TRUB1: variants seen among roughly 807,000 people sequenced by gnomAD.
TRUB1 encodes pseudouridylate synthase TRUB1.
Under a neutral mutation model 33.9 loss-of-function variants are expected in TRUB1, and 23 were observed. That is an observed-to-expected ratio of 0.68 (90% CI 0.49 to 0.96). TRUB1 has a LOEUF of 0.96. Ranked by LOEUF, TRUB1 falls within the 40% of genes least tolerant of loss-of-function variation. TRUB1 has a pLI of 0.00. For missense variants in TRUB1, 378 were observed against 422.2 expected (o/e 0.90, Z 0.92); for synonymous variants, 163 against 165.4 (o/e 0.99, Z 0.11).
intron 2 of TRUB1, among the ~76,000 whole-genome samples, chr10:114,948,231 T>C (rs555219112): frequency 1.3e-5 from 2 of 152,328 alleles, no homozygotes; most frequent in Non-Finnish European, 2.9e-5. Context: ...TCAAATGTGG[T>C]GCCTTTGCTC....
intron 2 of TRUB1, among the ~76,000 whole-genome samples, chr10:114,947,624 G>T (rs2084216929): frequency 6.6e-6 from 1 of 152,246 alleles, no homozygotes; most frequent in East Asian, 1.9e-4. Context: ...ACTTCACTGT[G>T]TATACTTATA....
chr10:114,954,957 T>G (rs2084255647), intron 3 of TRUB1, among the ~76,000 whole-genome samples: 12 of 151,852 alleles, frequency 7.9e-5, no homozygotes, highest in Admixed American at 7.9e-4. Flanking sequence ...GTAGGCAAAA[T>G]ATTGCACTCA....
chr10:114,973,827 C>G (rs1309486052), intron 6 of TRUB1, among the ~76,000 whole-genome samples: 1 of 152,008 alleles, frequency 6.6e-6, no homozygotes, highest in Non-Finnish European at 1.5e-5. Flanking sequence ...AAACATAATT[C>G]TTGTCACTGT....
At position 114,972,158 on chromosome 10, in the gene TRUB1, G is replaced by A; in HGVS notation, c.620G>A (p.Gly207Glu). 6.2e-7 allele frequency: 1 copy of A among 1,613,272 alleles called. No individual in the cohort carries two copies. Among genetic ancestry groups the A allele is most frequent in the Non-Finnish European group, 8.5e-7 (1 of 1,179,678 alleles). The change falls in exon 6 of 8, where the codon GGA (glycine) becomes GAA (glutamate). Residue 207 changes from glycine (G) to glutamate (E), a missense_variant. Transcript: ENST00000298746. ...PPLYSALKKD[G>E]QRLSTLMKRG... is the part of the protein sequence containing the mutation. ...AGCTATTCTGCATTAAAGAAAGATG[G>A]ACAAAGACTTTCGACTTTGATGAAG... is the stretch of plus-strand genomic sequence containing the variant.
chr10:114,970,381 A>C lies in TRUB1; in HGVS notation c.537A>C (p.Gln179His). ...TEEKPYDKIT[Q>H]EDIEGILQKF... ...GATTTTTGGCAGATAAAATAACACA[A>C]GAAGATATTGAAGGCATTCTACAGA... Residue 179 changes from glutamine (Q) to histidine (H), a missense_variant, in exon 5 of 8, where the codon CAA becomes CAC. Transcript: ENST00000298746. 1 of 1,611,720 alleles carries C rather than the reference A, an allele frequency of 6.2e-7. No homozygotes were observed. Among genetic ancestry groups the C allele is most frequent in the Non-Finnish European group, 8.5e-7 (1 of 1,178,188 alleles).
At chr10:114,960,437 G>A (rs1592052036) in intron 4 of TRUB1, among the ~76,000 whole-genome samples, 1 of 152,122 alleles carries the variant, frequency 6.6e-6, no homozygotes, top group Admixed American at 6.6e-5. Context: ...TTCTAAGTCA[G>A]TTCACCTGCA....
intron 7 of TRUB1, 57 bp from the exon 8 acceptor site, chr10:114,975,066 T>C: frequency 6.5e-7 from 1 of 1,546,820 alleles, no homozygotes; most frequent in Non-Finnish European, 8.7e-7. Context: ...AATTACAGAC[T>C]ATGAAATACT....
At chr10:114,965,787 T>A (rs2084305183) in intron 4 of TRUB1, among the ~76,000 whole-genome samples, 1 of 152,204 alleles carries the variant, frequency 6.6e-6, no homozygotes, top group Non-Finnish European at 1.5e-5. Context: ...TAGATAATTT[T>A]TTCTCCTAGG....
intron 3 of TRUB1, among the ~76,000 whole-genome samples, chr10:114,956,088 A>C (rs902825847): frequency 9.2e-5 from 14 of 152,370 alleles, no homozygotes; most frequent in Non-Finnish European, 2.1e-4. Context: ...TAAACAGAAC[A>C]GAAGCTGATT....
intron 2 of TRUB1, among the ~76,000 whole-genome samples, chr10:114,949,375 T>C (rs2084224291): frequency 6.6e-6 from 1 of 152,218 alleles, no homozygotes. Flanking sequence ...AGTATTATGC[T>C]CTTCAGAGGA....
chr10:114,938,214 C>A lies in TRUB1; in HGVS notation c.-40C>A. The stretch of plus-strand genomic sequence containing the variant: ...AGGCGCACTCTTGTTGCATCATCAG[C>A]GTGCACCTCCACGATGAAACAGGTC... On this transcript the variant is annotated 5_prime_UTR_variant, in exon 1 of 8. Coordinates refer to ENST00000298746, the MANE Select transcript of TRUB1 (RefSeq NM_139169.5). 9 of 1,602,154 alleles carry A rather than the reference C, an allele frequency of 5.6e-6. No homozygotes were observed. Among genetic ancestry groups the A allele is most frequent in the Non-Finnish European group, 7.7e-6 (9 of 1,175,482 alleles).
intron 2 of TRUB1, among the ~76,000 whole-genome samples, chr10:114,948,296 C>G (rs2084219865): frequency 6.6e-6 from 1 of 152,170 alleles, no homozygotes; most frequent in Non-Finnish European, 1.5e-5. Flanking sequence ...TTGTAGAAGT[C>G]CTACTGACCT....
chr10:114,938,630 CAA>C, intron 1 of TRUB1, 91 bp downstream of exon 1: 1 of 1,346,526 alleles, frequency 7.4e-7, no homozygotes, highest in Non-Finnish European at 9.9e-7. Context: ...ATTCAAGAGA[CAA>C]AAGGAGGGGA....
At chr10:114,971,196 C>T (rs1430196235) in intron 5 of TRUB1, among the ~76,000 whole-genome samples, 6 of 152,304 alleles carry the variant, frequency 3.9e-5, no homozygotes, top group Middle Eastern at 3.4e-3. Flanking sequence ...CTGCGCCCTA[C>T]GACCTAATTA....
chr10:114,965,477 T>G (rs187964051), intron 4 of TRUB1, among the ~76,000 whole-genome samples: 272 of 152,330 alleles, frequency 1.8e-3, no homozygotes, highest in Admixed American at 4.6e-3. Context: ...AATATTTAGT[T>G]TAGGATTTTT....
chr10:114,943,384 G>T (rs553989726), intron 2 of TRUB1, among the ~76,000 whole-genome samples: 13 of 152,148 alleles, frequency 8.5e-5, no homozygotes, highest in Non-Finnish European at 1.5e-4. Flanking sequence ...ACAAAAATTG[G>T]CTGGGTGTGG....
chr10:114,972,059 C>T, intron 5 of TRUB1, 76 bp from the exon 6 acceptor site: 1 of 1,506,564 alleles, frequency 6.6e-7, no homozygotes, highest in East Asian at 2.3e-5. Flanking sequence ...CTGAAATTAT[C>T]ATCTCCCAAT....
chr10:114,970,491 G>T (rs1008735810), intron 5 of TRUB1, 51 bp downstream of exon 5: 11 of 1,321,116 alleles, frequency 8.3e-6, no homozygotes, highest in Middle Eastern at 1.8e-4. Context: ...TTTTCCAATG[G>T]TTAACATCAC....
At chr10:114,949,363 A>C (rs1459856648) in intron 2 of TRUB1, among the ~76,000 whole-genome samples, 1 of 152,194 alleles carries the variant, frequency 6.6e-6, no homozygotes, top group Non-Finnish European at 1.5e-5. Flanking sequence ...TGTCATTTGA[A>C]GAGTATTATG....
Sources: allele counts gnomAD v4.1 joint callset (sites outside exome capture counted in the v4.1 genomes callset), GRCh38; gene constraint gnomAD v4.1.1; transcripts MANE v1.5; gene names NCBI Gene and HGNC (gene_info 2026-07-23, HGNC 2026-07-21).